The following ZFHX3 variants were observed in gnomAD, a reference collection of about 807,000 sequenced individuals.
ZFHX3 encodes zinc finger homeobox 3.
Under a neutral mutation model 279.1 loss-of-function variants are expected in ZFHX3, and 42 were observed. The ratio of observed to expected loss-of-function variants is 0.15; its 90% CI spans 0.12 to 0.19. ZFHX3 has a LOEUF of 0.19. Among genes scored for constraint, ZFHX3 ranks in the 10% least tolerant of loss-of-function variants. ZFHX3 has a pLI of 1.00. For synonymous variants in ZFHX3, 2,293 were observed against 1,957.8 expected (o/e 1.17, Z -4.52); for missense variants, 4,981 against 4,754.0 (o/e 1.05, Z -1.40).
chr16:73,641,089 C>T (rs957825644), intron 2 of ZFHX3, among the ~76,000 whole-genome samples: 17 of 152,144 alleles, frequency 1.1e-4, no homozygotes, highest in Admixed American at 9.2e-4. Context: ...ATTCTACACC[C>T]ACAGTATCGA....
chr16:72,786,940 T>G lies in ZFHX3; in HGVS notation c.*224A>C. The G allele has an allele frequency of 3.1e-6, 1 of 322,230 alleles. No homozygotes were observed. Among genetic ancestry groups the G allele is most frequent in the Non-Finnish European group, 5.1e-6 (1 of 197,796 alleles). The allele number at this position is 322,230 out of a possible 1,614,324, so 20.0% of individuals were successfully genotyped here. ...CAATGTAACAGGGTTAGGGCTTTTT[T>G]TTTTTTTTTAATATTAAAAGAAAAG... On this transcript the variant is annotated 3_prime_UTR_variant, in exon 10 of 10. Transcript: ENST00000268489.
chr16:72,820,253 G>A (rs548985967), intron 5 of ZFHX3, among the ~76,000 whole-genome samples: 37 of 152,280 alleles, frequency 2.4e-4, no homozygotes, highest in Non-Finnish European at 4.1e-4. Context: ...CTTGCTCTGC[G>A]TATTTTGGGA....
chr16:72,879,042 C>T (rs2038392447), intron 4 of ZFHX3, among the ~76,000 whole-genome samples: 1 of 152,122 alleles, frequency 6.6e-6, no homozygotes, highest in African/African-American at 2.4e-5. Flanking sequence ...ATCACAGGCT[C>T]AATCTGGGAA....
At chr16:73,265,326 G>A (rs913478115) in intron 4 of ZFHX3, among the ~76,000 whole-genome samples, 2 of 152,108 alleles carry the variant, frequency 1.3e-5, no homozygotes, top group Admixed American at 1.3e-4. Context: ...CCATGCTGAT[G>A]GGAGGAGCCA....
At chr16:73,779,658 C>G (rs934497173) in intron 1 of ZFHX3, among the ~76,000 whole-genome samples, 2 of 152,198 alleles carry the variant, frequency 1.3e-5, no homozygotes, top group African/African-American at 4.8e-5. Flanking sequence ...ACAGTGAAAG[C>G]AGAAATGCGT....
chr16:72,960,157 C>A lies in ZFHX3; in HGVS notation c.-12G>T. The A allele has an allele frequency of 1.3e-6, 2 of 1,548,274 alleles. No individual in the cohort carries two copies. The highest frequency in any genetic ancestry group is 1.7e-6 in the Non-Finnish European group (2 of 1,145,396). On this transcript the variant is annotated 5_prime_UTR_variant, in exon 2 of 10. Transcript: ENST00000268489. ...TCACAGCCTTCCATGGTAAGGCCTG[C>A]GTGGAGCTTTCATTGCACCCAGTAC...
chr16:73,630,435 G>T (rs1173207534), intron 2 of ZFHX3, among the ~76,000 whole-genome samples: 1 of 152,154 alleles, frequency 6.6e-6, no homozygotes, highest in East Asian at 1.9e-4. Context: ...ACTTCACCTT[G>T]CTATGGAGCA....
chr16:73,555,277 G>A (rs1434006538), intron 2 of ZFHX3, among the ~76,000 whole-genome samples: 1 of 151,784 alleles, frequency 6.6e-6, no homozygotes, highest in Non-Finnish European at 1.5e-5. Context: ...GCCTCAGCCT[G>A]CCGAATAGCT....
At chr16:72,894,530 G>C (rs1371310692) in intron 3 of ZFHX3, among the ~76,000 whole-genome samples, 3 of 152,186 alleles carry the variant, frequency 2.0e-5, no homozygotes, top group African/African-American at 7.2e-5. Flanking sequence ...GTGGTAGGGA[G>C]TGTGCTAAGA....
At chr16:73,447,276 G>A (rs1417473434) in intron 3 of ZFHX3, among the ~76,000 whole-genome samples, 2 of 151,676 alleles carry the variant, frequency 1.3e-5, no homozygotes, top group African/African-American at 2.4e-5. Flanking sequence ...GAAAACACCA[G>A]CAACAGTCAA....
At chr16:72,891,488 G>A (rs1427385838) in intron 3 of ZFHX3, among the ~76,000 whole-genome samples, 1 of 152,042 alleles carries the variant, frequency 6.6e-6, no homozygotes, top group African/African-American at 2.4e-5. Context: ...TTGACTAACA[G>A]AGAATGAATG....
chr16:72,799,220 G>T (rs914309204), intron 8 of ZFHX3, among the ~76,000 whole-genome samples: 2 of 152,146 alleles, frequency 1.3e-5, no homozygotes, highest in Admixed American at 1.3e-4. Flanking sequence ...GAAATTTGGG[G>T]ATACATATTT....
intron 3 of ZFHX3, among the ~76,000 whole-genome samples, chr16:72,908,939 A>G (rs2039252328): frequency 6.6e-6 from 1 of 152,238 alleles, no homozygotes. Context: ...ACATCCACTA[A>G]TGAGCACTGT....
chr16:73,620,359 A>T (rs1029251129), intron 2 of ZFHX3, among the ~76,000 whole-genome samples: 4 of 152,374 alleles, frequency 2.6e-5, no homozygotes, highest in African/African-American at 9.6e-5. Context: ...TTATGGCAAT[A>T]AATGGGGGAA....
At chr16:73,337,895 G>GGGT (rs1555510894) in intron 3 of ZFHX3, among the ~76,000 whole-genome samples, 5 of 144,932 alleles carry the variant, frequency 3.4e-5, no homozygotes, top group African/African-American at 1.2e-4. Context: ...CCCTTGGCGG[G>GGGT]GGGGGGGGTC....
chr16:73,342,225 C>T (rs2016044959), intron 3 of ZFHX3, among the ~76,000 whole-genome samples: 3 of 152,244 alleles, frequency 2.0e-5, no homozygotes, highest in African/African-American at 7.2e-5. Context: ...GAATGCAAAT[C>T]GGTACAATAG....
At chr16:73,107,115 G>A (rs762743178) in intron 7 of ZFHX3, among the ~76,000 whole-genome samples, 4 of 152,158 alleles carry the variant, frequency 2.6e-5, no homozygotes, top group Middle Eastern at 3.4e-3. Context: ...TCAGGAGTTC[G>A]AGACCAACAT....
At chr16:73,258,835 C>A (rs182481936) in intron 4 of ZFHX3, among the ~76,000 whole-genome samples, 1 of 152,330 alleles carries the variant, frequency 6.6e-6, no homozygotes, top group East Asian at 1.9e-4. Flanking sequence ...TTCTCTCTCA[C>A]TTCTTCCCCC....
At chr16:73,450,574 CTT>C (rs1449082619) in intron 3 of ZFHX3, among the ~76,000 whole-genome samples, 1 of 152,180 alleles carries the variant, frequency 6.6e-6, no homozygotes, top group Non-Finnish European at 1.5e-5. Context: ...GTAGCAATCA[CTT>C]GACTTTACTA....
Sources: gnomAD v4.1 joint callset for allele counts (sites outside exome capture counted in the v4.1 genomes callset) on GRCh38, gnomAD v4.1.1 for gene constraint, MANE v1.5 for transcripts, NCBI Gene and HGNC (gene_info 2026-07-23, HGNC 2026-07-21) for gene names.